GPHN: variants seen among roughly 807,000 people sequenced by gnomAD.
GPHN encodes gephyrin.
GPHN carries 17 observed loss-of-function variants against 95.5 expected under a neutral mutation model. The ratio of observed to expected loss-of-function variants is 0.18; its 90% CI spans 0.12 to 0.27. The LOEUF is 0.27. Among genes scored for constraint, GPHN ranks in the 10% least tolerant of loss-of-function variants. The pLI is 1.00. For synonymous variants in GPHN, 320 were observed against 322.5 expected (o/e 0.99, Z 0.08); for missense variants, 660 against 978.1 (o/e 0.67, Z 4.34).
At chr14:66,648,732 T>G (rs1450475534) in intron 1 of GPHN, among the ~76,000 whole-genome samples, 1 of 152,222 alleles carries the variant, frequency 6.6e-6, no homozygotes, top group East Asian at 1.9e-4. Context: ...AATGCATGAC[T>G]GTATAAGAAA....
At chr14:67,284,907 T>A in the GPHN span, among the ~76,000 whole-genome samples, 1 of 151,992 alleles carries the variant, frequency 6.6e-6, no homozygotes, top group African/African-American at 2.4e-5. Context: ...GGTTAAAAAA[T>A]TTTTATTTTT....
chr14:66,936,855 T>TA (rs750494683), intron 8 of GPHN, among the ~76,000 whole-genome samples: 25 of 152,342 alleles, frequency 1.6e-4, no homozygotes, highest in Admixed American at 1.0e-3. Flanking sequence ...GGACTAAACT[T>TA]ATTTGCATTT....
the GPHN span, among the ~76,000 whole-genome samples, chr14:67,593,015 G>A: frequency 5.3e-5 from 8 of 152,152 alleles, no homozygotes; most frequent in South Asian, 2.1e-4. Flanking sequence ...TGGAACTCCC[G>A]ACCTTAGGTG....
At chr14:66,776,920 G>T (rs984149179) in intron 3 of GPHN, among the ~76,000 whole-genome samples, 1 of 151,702 alleles carries the variant, frequency 6.6e-6, no homozygotes, top group Non-Finnish European at 1.5e-5. Flanking sequence ...AAGTTTTAGG[G>T]TACATGTGCA....
intron 2 of GPHN, among the ~76,000 whole-genome samples, chr14:66,705,197 C>T (rs1252318852): frequency 6.6e-6 from 1 of 152,202 alleles, no homozygotes; most frequent in Non-Finnish European, 1.5e-5. Context: ...AAAAAAAGCC[C>T]AGGACCAGAT....
chr14:67,243,489 A>ATTT, the GPHN span, among the ~76,000 whole-genome samples: 2,970 of 100,232 alleles, frequency 0.03, 83 homozygotes, highest in Non-Finnish European at 0.042. Flanking sequence ...CCAGAATATA[A>ATTT]TTTTTTTTTT....
chr14:66,809,601 A>G lies in GPHN; in HGVS notation c.202-14873A>G, dbSNP rs74958705. Among the ~76,000 whole-genome samples the G allele has an allele frequency of 5.9e-4, 90 of 152,326 alleles. 3 individuals are homozygous for G. The highest frequency in any genetic ancestry group is 2.1e-3 in the African/African-American group (86 of 41,568). ...AGCATATTTTGGGGGAATAACGACT[A>G]TTAGGAGTCTCTATGGCATACAAGT... On this transcript the variant is annotated intron_variant, in intron 3 of 22. Coordinates refer to ENST00000478722, the MANE Select transcript of GPHN (RefSeq NM_020806.5).
chr14:66,972,935 G>A (rs2069919632), intron 9 of GPHN, among the ~76,000 whole-genome samples: 1 of 152,168 alleles, frequency 6.6e-6, no homozygotes, highest in South Asian at 2.1e-4. Flanking sequence ...TACCATCAGT[G>A]CAAATGTCAA....
intron 3 of GPHN, among the ~76,000 whole-genome samples, chr14:66,803,684 C>T (rs1210655981): frequency 1.3e-5 from 2 of 151,524 alleles, no homozygotes; most frequent in East Asian, 1.9e-4. Flanking sequence ...TATATTTTTC[C>T]TCTTTCTTTT....
At position 66,776,474 on chromosome 14, in the gene GPHN, A is replaced by G. The variant is rs757170307; in HGVS notation, c.154A>G (p.Thr52Ala). 1 of 1,563,886 alleles carries G rather than the reference A, an allele frequency of 6.4e-7. No homozygotes were observed. The highest frequency in any genetic ancestry group is 8.8e-7 in the Non-Finnish European group (1 of 1,136,234). Residue 52 changes from threonine to alanine, a missense_variant, in exon 3 of 23, where the codon ACT (threonine) becomes GCT (alanine). Around this residue, in one of 6 missense-constraint regions of GPHN, gnomAD observed 92 missense variants for 91.9 expected, o/e 1.00. Coordinates refer to ENST00000478722, the MANE Select transcript of GPHN (RefSeq NM_020806.5). ...LVQDPSLLGG[T>A]ISAYKIVPDE... is the part of the protein sequence containing the mutation. ...TTCTCCTAATTTCAGGTTGGGTGGG[A>G]CTATATCAGCATACAAGATAGTACC...
At chr14:67,077,752 T>C (rs2076551659) in intron 11 of GPHN, among the ~76,000 whole-genome samples, 1 of 152,146 alleles carries the variant, frequency 6.6e-6, no homozygotes, top group African/African-American at 2.4e-5. Flanking sequence ...AAACTGAATT[T>C]TATATGTGTA....
chr14:67,694,795 G>A, the GPHN span, among the ~76,000 whole-genome samples: 1 of 152,150 alleles, frequency 6.6e-6, no homozygotes, highest in African/African-American at 2.4e-5. Context: ...AGAAATGACT[G>A]TGATCTGGCC....
chr14:66,773,714 C>T (rs1381841570), intron 2 of GPHN, among the ~76,000 whole-genome samples: 1 of 152,148 alleles, frequency 6.6e-6, no homozygotes, highest in African/African-American at 2.4e-5. Context: ...TTAGAACTTA[C>T]ACATCACTGA....
chr14:66,936,542 G>A (rs775205499), intron 8 of GPHN, among the ~76,000 whole-genome samples: 1 of 152,186 alleles, frequency 6.6e-6, no homozygotes, highest in Non-Finnish European at 1.5e-5. Flanking sequence ...ATAAACATCT[G>A]TGGAGTAAGA....
chr14:66,891,546 A>G (rs188905442), intron 5 of GPHN, among the ~76,000 whole-genome samples: 12 of 152,154 alleles, frequency 7.9e-5, no homozygotes, highest in Non-Finnish European at 1.5e-4. Flanking sequence ...ACTCTTAGAA[A>G]AAAACATAGG....
At chr14:67,487,953 T>C in the GPHN span, among the ~76,000 whole-genome samples, 1 of 152,210 alleles carries the variant, frequency 6.6e-6, no homozygotes, top group African/African-American at 2.4e-5. Context: ...TTTACTACTA[T>C]CCCTAAGACT....
intron 10 of GPHN, among the ~76,000 whole-genome samples, chr14:67,053,534 A>G (rs191612560): frequency 6.6e-6 from 1 of 152,354 alleles, no homozygotes; most frequent in Non-Finnish European, 1.5e-5. Context: ...TACGAGAGGT[A>G]CAAAGAGGAG....
chr14:67,231,680 T>C, the GPHN span, among the ~76,000 whole-genome samples: 309 of 152,180 alleles, frequency 2.0e-3, no homozygotes, highest in African/African-American at 7.0e-3. Flanking sequence ...AAATTATACC[T>C]CAATAGGCCA....
chr14:67,602,364 T>C, the GPHN span, among the ~76,000 whole-genome samples: 7 of 152,188 alleles, frequency 4.6e-5, no homozygotes, highest in African/African-American at 1.7e-4. Context: ...GTCCCTCCCC[T>C]AACAAGTGGA....
Sources: gnomAD v4.1 joint callset for allele counts (sites outside exome capture counted in the v4.1 genomes callset) on GRCh38, gnomAD v4.1.1 for gene constraint, gnomAD v4.1.1 regional missense constraint, MANE v1.5 for transcripts, NCBI Gene and HGNC (gene_info 2026-07-23, HGNC 2026-07-21) for gene names.